The following CHL1 variants were observed in gnomAD, a reference collection of about 807,000 sequenced individuals.
CHL1 encodes cell adhesion molecule L1 like, also known as neural cell adhesion molecule L1-like protein.
CHL1 carries 96 observed loss-of-function variants against 141.9 expected under a neutral mutation model. The ratio of observed to expected loss-of-function variants is 0.68; its 90% CI spans 0.57 to 0.80. CHL1 has a LOEUF of 0.80. CHL1 is among the 30% of genes least tolerant of loss of function. CHL1 has a pLI of 0.00. For missense variants in CHL1, 1,820 were observed against 1,457.2 expected (o/e 1.25, Z -4.05); for synonymous variants, 613 against 502.2 (o/e 1.22, Z -2.95).
intron 2 of CHL1, among the ~76,000 whole-genome samples, chr3:292,970 C>T (rs1697839143): frequency 6.6e-6 from 1 of 152,240 alleles, no homozygotes; most frequent in Admixed American, 6.5e-5. Flanking sequence ...CAAGCTGTAT[C>T]ACCAAGTGAA....
In CHL1 at chr3:205,104, C is replaced by CTTTCTTTCT. The variant is rs59728908; in HGVS notation, c.-175+8044_-175+8045insCTTTCTTTT. On this transcript the variant is annotated intron_variant, in intron 1 of 27. Coordinates refer to ENST00000256509, the MANE Select transcript of CHL1 (RefSeq NM_006614.4). ...CTTTTTCCTTTTTCTTTCTTTCTTT[C>CTTTCTTTCT]TTTTTTTTTTTTTTTGGAGATAGGG... 5.0e-4 allele frequency among the ~76,000 whole-genome samples: 65 copies of CTTTCTTTCT among 129,100 alleles called. 1 individual carries two copies. The highest frequency in any genetic ancestry group is 3.1e-3 in the East Asian group (14 of 4,484). The allele number at this position is 129,100 out of a possible 152,430, so 84.7% of individuals were successfully genotyped here. A position where few individuals can be genotyped will look rare whatever the true frequency, so the allele number is the denominator to read the frequency against.
intron 1 of CHL1, among the ~76,000 whole-genome samples, chr3:200,693 T>C (rs544858430): frequency 6.6e-6 from 1 of 152,334 alleles, no homozygotes; most frequent in African/African-American, 2.4e-5. Context: ...TATCATTTTA[T>C]GTCTATCTAC....
intron 5 of CHL1, among the ~76,000 whole-genome samples, chr3:339,487 A>G (rs1702196345): frequency 1.3e-5 from 2 of 152,200 alleles, no homozygotes; most frequent in East Asian, 3.8e-4. Flanking sequence ...AATCTTATAG[A>G]ACGAGTTGAG....
chr3:373,066 A>G (rs1212097611), intron 15 of CHL1, among the ~76,000 whole-genome samples: 1 of 152,136 alleles, frequency 6.6e-6, no homozygotes, highest in East Asian at 1.9e-4. Context: ...GCCCTCTTGG[A>G]GGGTCTCACC....
Position 389,365 on chromosome 3 carries a change from G to A in CHL1, c.2361G>A (p.Arg787=). The part of the protein sequence containing the change: ...EEETVTNHTL[R]VMTPAVYAPY... ...AAACAGTCACAAACCACACATTGCG[G>A]GTGATGACGCCTGCTGTCTATGCCC... Residue 787 remains arginine, a synonymous_variant, in exon 20 of 28, where the codon CGG becomes CGA. Coordinates refer to ENST00000256509, the MANE Select transcript of CHL1 (RefSeq NM_006614.4). The A allele has an allele frequency of 2.5e-6, 4 of 1,614,164 alleles. No individual in the cohort carries two copies. Among genetic ancestry groups the A allele is most frequent in the Non-Finnish European group, 3.4e-6 (4 of 1,180,026 alleles).
At chr3:211,009 G>A (rs1197623076) in intron 1 of CHL1, among the ~76,000 whole-genome samples, 2 of 152,192 alleles carry the variant, frequency 1.3e-5, no homozygotes, top group Non-Finnish European at 1.5e-5. Flanking sequence ...TTTCTCCTCT[G>A]ATCTATTTAG....
chr3:389,455 T>A lies in CHL1; in HGVS notation c.2451T>A (p.Thr817=), dbSNP rs1299736261. Residue 817 remains threonine, a synonymous_variant, in exon 20 of 28, where the codon ACT becomes ACA. Transcript: ENST00000256509. ...CTGGGCCTGACCCTCAGTCAGTGACTCTCTATTCTGGAGAAGACTGTAAGT... is the reference window on the plus strand; with the variant it reads ...CTGGGCCTGACCCTCAGTCAGTGACACTCTATTCTGGAGAAGACTGTAAGT... ...LGSGPDPQSV[T]LYSGEDYPDT... is the part of the protein sequence containing the mutation. 2 of 1,613,950 alleles carry A rather than the reference T, an allele frequency of 1.2e-6. No individual in the cohort carries two copies. Among genetic ancestry groups the A allele is most frequent in the Non-Finnish European group, 1.7e-6 (2 of 1,179,950 alleles).
chr3:368,205 T>A (rs1296961885), intron 15 of CHL1, among the ~76,000 whole-genome samples: 1 of 152,158 alleles, frequency 6.6e-6, no homozygotes. Context: ...CTAATTTACA[T>A]TCCCACCAAC....
chr3:243,067 A>T (rs182864038), intron 1 of CHL1, among the ~76,000 whole-genome samples: 1 of 152,344 alleles, frequency 6.6e-6, no homozygotes, highest in East Asian at 1.9e-4. Flanking sequence ...AAGTGGTACC[A>T]TGGCTGTAGG....
intron 17 of CHL1, 90 bp downstream of exon 17, chr3:382,370 C>T: frequency 6.9e-7 from 1 of 1,455,726 alleles, no homozygotes; most frequent in South Asian, 1.2e-5. Flanking sequence ...CTGGTTTATT[C>T]TTCTTATAAC....
intron 1 of CHL1, among the ~76,000 whole-genome samples, chr3:234,696 T>C (rs1470566152): frequency 6.6e-6 from 1 of 152,054 alleles, no homozygotes. Context: ...GTGCAATGGC[T>C]CAAGCAGGAA....
chr3:328,411 G>A, intron 5 of CHL1, 57 bp downstream of exon 5: 1 of 1,351,798 alleles, frequency 7.4e-7, no homozygotes, highest in African/African-American at 1.5e-5. Flanking sequence ...TGTTAAATAG[G>A]AGTTAGATTG....
Position 399,168 on chromosome 3 carries a change from T to C in CHL1, c.3385+20T>C. ...ACTCAGGTAAAATTGTTTCTTAATG[T>C]GATTTTCAACTTATTAAAAAGCATT... is the stretch of plus-strand genomic sequence containing the variant. On this transcript the variant is annotated intron_variant, in intron 26 of 27. Transcript: ENST00000256509. The C allele has an allele frequency of 6.3e-7, 1 of 1,593,452 alleles. No individual in the cohort carries two copies. The highest frequency in any genetic ancestry group is 8.6e-7 in the Non-Finnish European group (1 of 1,163,560).
intron 1 of CHL1, among the ~76,000 whole-genome samples, chr3:206,851 C>T (rs571997438): frequency 3.9e-5 from 6 of 152,280 alleles, no homozygotes; most frequent in Admixed American, 6.5e-5. Flanking sequence ...GATATGAATA[C>T]GCATGGATTT....
chr3:329,209 A>G, intron 5 of CHL1, among the ~76,000 whole-genome samples: 1 of 152,070 alleles, frequency 6.6e-6, no homozygotes, highest in East Asian at 1.9e-4. Flanking sequence ...CAAAGCCTTT[A>G]TAGAGTAAAT....
intron 2 of CHL1, among the ~76,000 whole-genome samples, chr3:300,383 G>A (rs1201334874): frequency 6.6e-6 from 1 of 152,140 alleles, no homozygotes; most frequent in African/African-American, 2.4e-5. Flanking sequence ...GCAAACAGAG[G>A]TGATGGGATA....
At chr3:234,785 G>T (rs556560105) in intron 1 of CHL1, among the ~76,000 whole-genome samples, 2 of 152,258 alleles carry the variant, frequency 1.3e-5, no homozygotes, top group South Asian at 4.1e-4. Context: ...TCATGGGTGT[G>T]CCTTGAGTGC....
intron 1 of CHL1, among the ~76,000 whole-genome samples, chr3:206,239 G>A (rs542601579): frequency 1.3e-5 from 2 of 152,208 alleles, no homozygotes; most frequent in East Asian, 3.9e-4. Context: ...AGGCTGAGAC[G>A]GGTGGATCAC....
At chr3:345,088 C>G (rs958044585) in intron 9 of CHL1, among the ~76,000 whole-genome samples, 51 of 152,286 alleles carry the variant, frequency 3.3e-4, no homozygotes, top group African/African-American at 1.2e-3. Flanking sequence ...ACTCTACAGA[C>G]TTCAGGCAGT....
Sources: gnomAD v4.1 joint callset for allele counts (sites outside exome capture counted in the v4.1 genomes callset) on GRCh38, gnomAD v4.1.1 for gene constraint, MANE v1.5 for transcripts, NCBI Gene and HGNC (gene_info 2026-07-23, HGNC 2026-07-21) for gene names.